Variants in SLC25A21 observed in about 807,000 individuals in gnomAD.
SLC25A21 encodes the protein solute carrier family 25 member 21, also known as mitochondrial 2-oxodicarboxylate carrier.
SLC25A21 carries 47 observed loss-of-function variants against 43.8 expected under a neutral mutation model. The observed-to-expected ratio is 1.07, with a 90% CI of 0.85 to 1.37. SLC25A21 has a LOEUF of 1.37. Ranked by LOEUF, SLC25A21 falls within the 40% of genes most tolerant of loss-of-function variation. SLC25A21 has a pLI of 0.00. For synonymous variants in SLC25A21, 131 were observed against 121.3 expected (o/e 1.08, Z -0.52); for missense variants, 352 against 350.2 (o/e 1.00, Z -0.04).
intron 3 of SLC25A21, among the ~76,000 whole-genome samples, chr14:36,789,721 TAATATATTTTATATATTTATATATAATAC>T (rs1887378857): frequency 1.5e-5 from 2 of 134,112 alleles, no homozygotes; most frequent in East Asian, 2.0e-4. Context: ...TATTTATATA[TAATATATTTTATATATTTATATATAATAC>T]ATTTTATATA....
chr14:37,114,665 T>C (rs1963075018), intron 1 of SLC25A21, among the ~76,000 whole-genome samples: 1 of 152,180 alleles, frequency 6.6e-6, no homozygotes, highest in African/African-American at 2.4e-5. Flanking sequence ...TGAGAAAGTG[T>C]GAGACAACCT....
intron 1 of SLC25A21, among the ~76,000 whole-genome samples, chr14:37,045,495 G>A (rs1052332356): frequency 5.9e-5 from 9 of 152,106 alleles, no homozygotes; most frequent in South Asian, 2.1e-4. Context: ...AGGTTTCTTC[G>A]AGAACCACAA....
chr14:36,877,600 G>C (rs1436384474), intron 1 of SLC25A21, among the ~76,000 whole-genome samples: 2 of 152,138 alleles, frequency 1.3e-5, no homozygotes, highest in African/African-American at 2.4e-5. Context: ...GGGAGGAGGT[G>C]CAATGCTCAG....
At chr14:37,160,929 CAAAG>C (rs1381998364) in intron 1 of SLC25A21, among the ~76,000 whole-genome samples, 1 of 126,494 alleles carries the variant, frequency 7.9e-6, no homozygotes, top group Non-Finnish European at 1.6e-5. Context: ...GATGTCATCT[CAAAG>C]AAAGAAAGAA....
chr14:37,043,940 G>GTTTTTTTTTTTTTT lies in SLC25A21; in HGVS notation c.70+128327_70+128340dup, dbSNP rs59081965. Among the ~76,000 whole-genome samples, 33 of 56,728 alleles carry GTTTTTTTTTTTTTT rather than the reference G, an allele frequency of 5.8e-4. 1 individual carries two copies. The highest frequency in any genetic ancestry group is 1.9e-3 in the African/African-American group (27 of 14,410). The allele number at this position is 56,728 out of a possible 152,430, so 37.2% of individuals were successfully genotyped here. A position where few individuals can be genotyped will look rare whatever the true frequency, so the allele number is the denominator to read the frequency against. On this transcript the variant is annotated intron_variant, in intron 1 of 9. Transcript: ENST00000331299. ...TGTTTTGTTTGTTTTATGTTTTTTT[G>GTTTTTTTTTTTTTT]TTTTTTTTTTTTTTTTTGGTGGAGA...
chr14:36,964,299 C>A (rs901801843), intron 1 of SLC25A21, among the ~76,000 whole-genome samples: 1 of 152,184 alleles, frequency 6.6e-6, no homozygotes. Context: ...TTCATTTGCT[C>A]AGCAAACCCT....
At chr14:37,063,156 C>G (rs1416539432) in intron 1 of SLC25A21, among the ~76,000 whole-genome samples, 1 of 152,084 alleles carries the variant, frequency 6.6e-6, no homozygotes, top group Non-Finnish European at 1.5e-5. Context: ...TCAATTACCT[C>G]CACCGGGTCC....
intron 3 of SLC25A21, among the ~76,000 whole-genome samples, chr14:36,768,940 A>AAAAC (rs561738900): frequency 3.4e-4 from 50 of 147,294 alleles, no homozygotes; most frequent in African/African-American, 1.2e-3. Flanking sequence ...TACCAAAAAA[A>AAAAC]AAAAAAACAA....
intron 2 of SLC25A21, among the ~76,000 whole-genome samples, chr14:36,867,008 ATTT>A (rs1890231718): frequency 1.3e-5 from 2 of 152,066 alleles, no homozygotes; most frequent in Non-Finnish European, 2.9e-5. Flanking sequence ...TGTGTGGTGC[ATTT>A]TGTTTCAATG....
chr14:36,808,098 C>A (rs1888108816), intron 3 of SLC25A21, among the ~76,000 whole-genome samples: 1 of 152,196 alleles, frequency 6.6e-6, no homozygotes, highest in Non-Finnish European at 1.5e-5. Flanking sequence ...AATGCAACCA[C>A]ATATTTTCTA....
intron 1 of SLC25A21, among the ~76,000 whole-genome samples, chr14:37,077,308 A>C (rs920091990): frequency 3.9e-5 from 6 of 152,228 alleles, no homozygotes; most frequent in Admixed American, 1.3e-4. Flanking sequence ...ACAGGAAAAT[A>C]ATGTCTTGAT....
chr14:36,874,846 T>A, intron 2 of SLC25A21, 110 bp downstream of exon 2: 1 of 766,172 alleles, frequency 1.3e-6, no homozygotes, highest in Non-Finnish European at 2.1e-6. Context: ...ATAACTGCCA[T>A]TACAGAGAGA....
At chr14:37,017,459 G>A (rs1431146082) in intron 1 of SLC25A21, among the ~76,000 whole-genome samples, 1 of 152,018 alleles carries the variant, frequency 6.6e-6, no homozygotes, top group Non-Finnish European at 1.5e-5. Flanking sequence ...TAACATCAAA[G>A]ATTACTGATC....
chr14:37,090,591 T>C (rs1962566518), intron 1 of SLC25A21, among the ~76,000 whole-genome samples: 1 of 152,168 alleles, frequency 6.6e-6, no homozygotes, highest in Non-Finnish European at 1.5e-5. Context: ...TGGCCTATCA[T>C]TTCAGAGAAG....
chr14:36,816,399 T>C lies in SLC25A21; in HGVS notation c.120-2398A>G, dbSNP rs372565570. On this transcript the variant is annotated intron_variant, in intron 2 of 9. Coordinates refer to ENST00000331299, the MANE Select transcript of SLC25A21 (RefSeq NM_030631.4). ...GGTGAGAAATAATGGTGCTAGAATA[T>C]AAATAAAGGTGACAGGAATACAACG... Among the ~76,000 whole-genome samples, 31 of 152,006 alleles carry C rather than the reference T, an allele frequency of 2.0e-4. No individual in the cohort carries two copies. In the South Asian group the frequency reaches 4.2e-3, roughly 20 times the overall value.
At chr14:37,103,433 A>G (rs1166263357) in intron 1 of SLC25A21, among the ~76,000 whole-genome samples, 1 of 152,234 alleles carries the variant, frequency 6.6e-6, no homozygotes, top group Admixed American at 6.5e-5. Flanking sequence ...CAGAATAAAT[A>G]TAGTCACCAT....
At chr14:37,165,331 T>C (rs146586682) in intron 1 of SLC25A21, among the ~76,000 whole-genome samples, 16,813 of 151,620 alleles carry the variant, frequency 0.11, 2,272 homozygotes, top group African/African-American at 0.32. Context: ...GAGCCAAGAT[T>C]GCGCCACTGT....
rs111481720 is a variant in SLC25A21, at chr14:36,974,471, C to T, written c.71-99467G>A. Among the ~76,000 whole-genome samples, 241 of 152,296 alleles carry T rather than the reference C, an allele frequency of 1.6e-3. 2 individuals are homozygous for T. The highest frequency in any genetic ancestry group is 5.6e-3 in the African/African-American group (231 of 41,570). ...ATATTATATCTTTTTTCCCTAATCA[C>T]TTTAGGTGGCTACCAAATATTCTGA... is the stretch of plus-strand genomic sequence containing the variant. On this transcript the variant is annotated intron_variant, in intron 1 of 9. Coordinates refer to ENST00000331299, the MANE Select transcript of SLC25A21 (RefSeq NM_030631.4).
intron 6 of SLC25A21, among the ~76,000 whole-genome samples, chr14:36,716,170 G>C (rs866759207): frequency 7.2e-5 from 11 of 152,078 alleles, no homozygotes; most frequent in African/African-American, 2.4e-4. Context: ...AATATCATAT[G>C]ATCACTTATA....
Sources: gnomAD v4.1 joint callset for allele counts (sites outside exome capture counted in the v4.1 genomes callset) on GRCh38, gnomAD v4.1.1 for gene constraint, MANE v1.5 for transcripts, NCBI Gene and HGNC (gene_info 2026-07-23, HGNC 2026-07-21) for gene names.